DYNC1H1: variants seen among roughly 807,000 people sequenced by gnomAD.
DYNC1H1 encodes cytoplasmic dynein 1 heavy chain 1.
In DYNC1H1, 51 loss-of-function variants were observed where a neutral mutation model predicts 527.1. The ratio of observed to expected loss-of-function variants is 0.10; its 90% CI spans 0.08 to 0.12. DYNC1H1 has a LOEUF of 0.12. DYNC1H1 is among the 10% of genes least tolerant of loss of function. The probability of loss-of-function intolerance (pLI) is 1.00; values close to 1 mark genes in which losing one functional copy is unlikely to be tolerated. For synonymous variants in DYNC1H1, 2,189 were observed against 2,278.8 expected (o/e 0.96, Z 1.12); for missense variants, 2,771 against 5,971.8 (o/e 0.46, Z 17.66).
intron 11 of DYNC1H1, among the ~76,000 whole-genome samples, chr14:101,993,816 C>T (rs1037355952): frequency 6.6e-6 from 1 of 152,188 alleles, no homozygotes; most frequent in African/African-American, 2.4e-5. Context: ...TCCCTAATCG[C>T]GTCTCTCCTC....
rs1555410313 is a variant in DYNC1H1 at position 102,017,395 on chromosome 14, G to A, written c.8068G>A (p.Gly2690Arg). ...TCCCTTCCTTCAGATGGTGGAGCAC[G>A]GAGGCTTTTACCGTACCTCAGATCA... ...ISFIRQMVEH[G>R]GFYRTSDQTW... is the part of the protein sequence containing the mutation. The change falls in exon 40 of 78, where the codon GGA becomes AGA. Residue 2690 changes from glycine (G) to arginine (R), a missense_variant. Physicochemically the swap from Gly to Arg is moderately radical, Grantham distance 125 (BLOSUM62 -2). Around this residue, in one of 32 missense-constraint regions of DYNC1H1, gnomAD observed 163 missense variants for 346.9 expected, o/e 0.47. Coordinates refer to ENST00000360184, the MANE Select transcript of DYNC1H1 (RefSeq NM_001376.5). This position sits in a 1 kb window ranked among gnomAD's most constrained non-coding sequence, Gnocchi z 4.6. 2 of 1,614,168 alleles carry A rather than the reference G, an allele frequency of 1.2e-6. No individual in the cohort carries two copies. Among genetic ancestry groups the A allele is most frequent in the Non-Finnish European group, 1.7e-6 (2 of 1,180,030 alleles).
At chr14:102,047,719 C>G in intron 72 of DYNC1H1, 98 bp from the exon 73 acceptor site, 1 of 1,483,330 alleles carries the variant, frequency 6.7e-7, no homozygotes, top group Non-Finnish European at 9.2e-7. Context: ...TGTGGACTCA[C>G]TCACCATGTG....
chr14:101,986,825 C>T lies in DYNC1H1; in HGVS notation c.2538+62C>T. Reference sequence around the variant, plus strand: ...GAATGAAGCACAGTAATAGCGAGCTCAGTTAAAACACTAGTTCTCCCGAAG... The same window carrying T: ...GAATGAAGCACAGTAATAGCGAGCTTAGTTAAAACACTAGTTCTCCCGAAG... On this transcript the variant is annotated intron_variant, in intron 8 of 77. Transcript: ENST00000360184. The surrounding 1 kb of genome is among the most constrained non-coding windows in gnomAD (Gnocchi z 8.7). The T allele has an allele frequency of 6.3e-7, 1 of 1,577,584 alleles. No homozygotes were observed. The highest frequency in any genetic ancestry group is 8.7e-7 in the Non-Finnish European group (1 of 1,147,836).
chr14:101,979,693 T>C lies in DYNC1H1; in HGVS notation c.519-26T>C, dbSNP rs1367768702. The C allele has an allele frequency of 6.2e-7, 1 of 1,613,472 alleles. No homozygotes were observed. The highest frequency in any genetic ancestry group is 2.2e-5 in the East Asian group (1 of 44,900). On this transcript the variant is annotated intron_variant, in intron 3 of 77. Transcript: ENST00000360184. The surrounding 1 kb of genome is among the most constrained non-coding windows in gnomAD (Gnocchi z 4.6). Reference sequence around the variant, plus strand: ...CTTTGGAGACCAATAGCACACTAAATGTTGAGGTATGAAATCTGTTTTTAG... The same window carrying C: ...CTTTGGAGACCAATAGCACACTAAACGTTGAGGTATGAAATCTGTTTTTAG...
At chr14:102,037,072 G>T in intron 57 of DYNC1H1, 1 of 247,392 alleles carries the variant, frequency 4.0e-6, no homozygotes, top group Non-Finnish European at 8.0e-6. Context: ...ACTCCAGCCT[G>T]GGAGACAGAA....
intron 10 of DYNC1H1, among the ~76,000 whole-genome samples, chr14:101,990,401 C>T (rs1595603018): frequency 1.3e-5 from 2 of 152,152 alleles, no homozygotes; most frequent in Non-Finnish European, 2.9e-5. Flanking sequence ...AATCCCTGGG[C>T]ACCAGGGACC....
chr14:102,004,033 A>G (rs2141287986), intron 23 of DYNC1H1, among the ~76,000 whole-genome samples: 1 of 152,102 alleles, frequency 6.6e-6, no homozygotes, highest in South Asian at 2.1e-4. Flanking sequence ...CGAGGTCAGG[A>G]GATCGAGACC....
chr14:101,995,126 C>T (rs766436092), intron 14 of DYNC1H1, 30 bp downstream of exon 14: 52 of 1,614,182 alleles, frequency 3.2e-5, no homozygotes, highest in Admixed American at 6.7e-5. Context: ...CCTCTGTAAC[C>T]GGTCTACTGG....
At position 102,032,173 on chromosome 14, in the gene DYNC1H1, A is replaced by G. The variant is rs12893606; in HGVS notation, c.9884-99A>G. ...TAAGCAGCTAGCTGTCCTTTCTCTCATTGGAGTTGGAGCTCCTGGCTGTTT... is the reference window on the plus strand; with the variant it reads ...TAAGCAGCTAGCTGTCCTTTCTCTCGTTGGAGTTGGAGCTCCTGGCTGTTT... On this transcript the variant is annotated intron_variant, in intron 51 of 77. Coordinates refer to ENST00000360184, the MANE Select transcript of DYNC1H1 (RefSeq NM_001376.5). The G allele has an allele frequency of 0.027, 38,456 of 1,433,620 alleles. 680 individuals carry two copies. Among genetic ancestry groups the G allele is most frequent in the Non-Finnish European group, 0.029 (30,114 of 1,021,998 alleles). 88.8% of individuals were successfully genotyped at this position (1,433,620 alleles called of 1,614,324 possible). A position where few individuals can be genotyped will look rare whatever the true frequency, so the allele number is the denominator to read the frequency against.
intron 18 of DYNC1H1, 55 bp downstream of exon 18, chr14:102,000,454 T>C (rs2048116979): frequency 1.3e-6 from 2 of 1,553,348 alleles, no homozygotes; most frequent in Admixed American, 1.7e-5. Flanking sequence ...ACAGACTTTA[T>C]TTAGGAACGT....
rs1037279975 is a variant in DYNC1H1 at position 102,029,114 on chromosome 14, T to A, written c.9469-425T>A. The A allele has an allele frequency of 3.9e-6, 1 of 259,618 alleles. No individual in the cohort carries two copies. The allele number at this position is 259,618 out of a possible 1,614,324, so 16.1% of individuals were successfully genotyped here. On this transcript the variant is annotated intron_variant, in intron 48 of 77. Coordinates refer to ENST00000360184, the MANE Select transcript of DYNC1H1 (RefSeq NM_001376.5). The surrounding 1 kb of genome is among the most constrained non-coding windows in gnomAD (Gnocchi z 5.3). Reference sequence around the variant, plus strand: ...TTGCCCTTGGAATGTCGTCCAGCCCTGGCTTCCCCTGGTAGTCTGATCATC... The same window carrying A: ...TTGCCCTTGGAATGTCGTCCAGCCCAGGCTTCCCCTGGTAGTCTGATCATC...
Position 101,964,834 on chromosome 14 carries a change from C to T in DYNC1H1, c.143C>T (p.Ala48Val), listed in dbSNP as rs780018678. 3 of 1,599,920 alleles carry T rather than the reference C, an allele frequency of 1.9e-6. No individual in the cohort carries two copies. The highest frequency in any genetic ancestry group is 2.2e-5 in the South Asian group (2 of 89,566). Residue 48 changes from alanine (A) to valine (V), a missense_variant, in exon 1 of 78, where the codon GCG becomes GTG. Physicochemically the swap from Ala to Val is moderately conservative, Grantham distance 64. Transcript: ENST00000360184. The surrounding 1 kb of genome is among the most constrained non-coding windows in gnomAD (Gnocchi z 5.5). ...VPLLLEDGGE[A>V]PAALEAALEE... ...CTGCTGCTGGAGGACGGCGGCGAGG[C>T]GCCGGCCGCGCTGGAGGCGGCGCTG...
intron 43 of DYNC1H1, among the ~76,000 whole-genome samples, chr14:102,026,171 T>C (rs1363037815): frequency 1.3e-5 from 2 of 152,034 alleles, no homozygotes; most frequent in East Asian, 3.9e-4. Context: ...GGATCTTTCC[T>C]GTTCCAAATG....
chr14:101,995,118 T>G (rs751526947), intron 14 of DYNC1H1, 22 bp downstream of exon 14: 1 of 1,614,194 alleles, frequency 6.2e-7, no homozygotes, highest in South Asian at 1.1e-5. Flanking sequence ...GGATTCTGCC[T>G]CTGTAACCGG....
At chr14:101,988,362 G>A (rs1029946601) in intron 9 of DYNC1H1, among the ~76,000 whole-genome samples, 18 of 152,182 alleles carry the variant, frequency 1.2e-4, no homozygotes, top group African/African-American at 4.3e-4. Context: ...AGAAGGTGTG[G>A]TATGTGTGCA....
Position 102,039,802 on chromosome 14 carries a change from C to T in DYNC1H1, c.11690+70C>T. The stretch of plus-strand genomic sequence containing the variant: ...CCCCCAAGGGTTTCATGATCAGATA[C>T]ATGCTTTTATTATTTCTTTTATTTT... On this transcript the variant is annotated intron_variant, in intron 62 of 77. Coordinates refer to ENST00000360184, the MANE Select transcript of DYNC1H1 (RefSeq NM_001376.5). The surrounding 1 kb of genome is among the most constrained non-coding windows in gnomAD (Gnocchi z 7.0). 6 of 1,483,366 alleles carry T rather than the reference C, an allele frequency of 4.0e-6. No individual in the cohort carries two copies. Among genetic ancestry groups the T allele is most frequent in the Non-Finnish European group, 5.6e-6 (6 of 1,064,420 alleles). 91.9% of individuals were successfully genotyped at this position (1,483,366 alleles called of 1,614,324 possible).
chr14:102,028,395 G>T (rs2048474446), intron 48 of DYNC1H1: 3 of 419,702 alleles, frequency 7.1e-6, no homozygotes, highest in Non-Finnish European at 1.3e-5. Flanking sequence ...GGCACCTATA[G>T]TCCCAGCTAC....
intron 72 of DYNC1H1, among the ~76,000 whole-genome samples, chr14:102,046,736 G>C (rs1205693892): frequency 2.0e-5 from 3 of 152,064 alleles, no homozygotes; most frequent in Non-Finnish European, 4.4e-5. Flanking sequence ...GTCTCACAGT[G>C]AACCCAAACC....
In DYNC1H1 at chr14:101,997,359, C is replaced by T; in HGVS notation, c.3804+85C>T. 6.2e-7 allele frequency: 1 copy of T among 1,602,102 alleles called. No homozygotes were observed. Among genetic ancestry groups the T allele is most frequent in the South Asian group, 1.1e-5 (1 of 89,210 alleles). On this transcript the variant is annotated intron_variant, in intron 16 of 77. Coordinates refer to ENST00000360184, the MANE Select transcript of DYNC1H1 (RefSeq NM_001376.5). The surrounding 1 kb of genome is among the most constrained non-coding windows in gnomAD (Gnocchi z 4.8). ...TTTCTTTCAAGCCTAAAAGGCCTTGCTGTGACTGAGCTTTCTAGTATTGAA... is the reference window on the plus strand; with the variant it reads ...TTTCTTTCAAGCCTAAAAGGCCTTGTTGTGACTGAGCTTTCTAGTATTGAA...
Sources: gnomAD v4.1 joint callset for allele counts (sites outside exome capture counted in the v4.1 genomes callset) on GRCh38, gnomAD v4.1.1 for gene constraint, gnomAD v4.1.1 regional missense constraint, Gnocchi (gnomAD v3.1) non-coding constraint, MANE v1.5 for transcripts, NCBI Gene and HGNC (gene_info 2026-07-23, HGNC 2026-07-21) for gene names.